The following SETBP1 variants were observed in gnomAD, a reference collection of about 807,000 sequenced individuals.
SETBP1 encodes the protein SET-binding protein.
Under a neutral mutation model 101.0 loss-of-function variants are expected in SETBP1, and 9 were observed. That is an observed-to-expected ratio of 0.09 (90% confidence interval 0.05 to 0.16). The LOEUF (loss-of-function observed/expected upper bound fraction) is 0.16. Among genes scored for constraint, SETBP1 ranks in the 10% least tolerant of loss-of-function variants. The pLI, the probability that SETBP1 is intolerant of heterozygous loss-of-function variation, is 1.00. For synonymous variants in SETBP1, 818 were observed against 788.5 expected, an observed-to-expected ratio of 1.04 and a Z score of -0.63; for missense variants, 1,858 against 2,033.8, an observed-to-expected ratio of 0.91 and a Z score of 1.66.
rs142069981 is a variant in SETBP1 at position 44,725,013 on chromosome 18, C to T, written c.486+23181C>T. ...CTTCCTTGCTTCCTAATTTGGGATG[C>T]ACAGCATTCATTTCTTCACTCACTC... is the stretch of plus-strand genomic sequence containing the variant. On this transcript the variant is annotated intron_variant, in intron 2 of 5. Coordinates refer to ENST00000649279, the MANE Select transcript of SETBP1 (RefSeq NM_015559.3). Among the ~76,000 whole-genome samples, 514 of 152,274 alleles carry T rather than the reference C, an allele frequency of 3.4e-3. 3 individuals carry two copies. Among genetic ancestry groups the T allele is most frequent in the African/African-American group, 0.012 (490 of 41,548 alleles).
intron 2 of SETBP1, among the ~76,000 whole-genome samples, chr18:44,703,099 C>A (rs2069146062): frequency 6.6e-6 from 1 of 152,120 alleles, no homozygotes; most frequent in Admixed American, 6.5e-5. Flanking sequence ...AGAGGACTGC[C>A]TTGGTATAGT....
chr18:44,729,118 G>C (rs2069778367), intron 2 of SETBP1, among the ~76,000 whole-genome samples: 1 of 152,250 alleles, frequency 6.6e-6, no homozygotes, highest in African/African-American at 2.4e-5. Context: ...GTAAGAGGTA[G>C]AGTTTGGATT....
intron 4 of SETBP1, among the ~76,000 whole-genome samples, chr18:44,994,298 G>T (rs2072445273): frequency 6.6e-6 from 1 of 152,074 alleles, no homozygotes; most frequent in Non-Finnish European, 1.5e-5. Context: ...GATTACTCTT[G>T]TAATCCAGGA....
At chr18:44,898,018 A>G (rs537141056) in intron 3 of SETBP1, among the ~76,000 whole-genome samples, 47 of 152,276 alleles carry the variant, frequency 3.1e-4, no homozygotes, top group African/African-American at 1.1e-3. Flanking sequence ...TGTGTATGGT[A>G]ATTGTTGTGA....
rs2073966064 is a variant in SETBP1, at chr18:45,066,394, A to T, written c.*2696A>T. 1 of 152,020 alleles carries T rather than the reference A, an allele frequency of 6.6e-6. No homozygotes were observed. The highest frequency in any genetic ancestry group is 1.9e-4 in the East Asian group (1 of 5,184). The allele number at this position is 152,020 out of a possible 1,614,324, so 9.4% of individuals were successfully genotyped here. ...GAGGTGGAAGCAAGTTCAGTCACCTACTCAGCTTCCTCTCTCCACCACCCA... is the reference window on the plus strand; with the variant it reads ...GAGGTGGAAGCAAGTTCAGTCACCTTCTCAGCTTCCTCTCTCCACCACCCA... On this transcript the variant is annotated 3_prime_UTR_variant, in exon 6 of 6. Coordinates refer to ENST00000649279, the MANE Select transcript of SETBP1 (RefSeq NM_015559.3).
At chr18:44,682,067 C>A (rs2068768650) in intron 1 of SETBP1, among the ~76,000 whole-genome samples, 1 of 152,116 alleles carries the variant, frequency 6.6e-6, no homozygotes, top group African/African-American at 2.4e-5. Context: ...TTCATTCCTT[C>A]ACTCTTCATC....
intron 3 of SETBP1, among the ~76,000 whole-genome samples, chr18:44,946,396 G>C (rs1401776169): frequency 1.3e-5 from 2 of 152,210 alleles, no homozygotes; most frequent in Non-Finnish European, 2.9e-5. Context: ...TCAACTGCTA[G>C]GGTGAAATCC....
intron 3 of SETBP1, among the ~76,000 whole-genome samples, chr18:44,889,586 A>T (rs890486492): frequency 1.3e-5 from 2 of 152,136 alleles, no homozygotes; most frequent in East Asian, 3.8e-4. Context: ...TGTGAGTTGC[A>T]CTGACTCTCC....
At chr18:44,680,291 G>C (rs2068737342), upstream of SETBP1, 1 of 150,162 alleles carries the variant, frequency 6.7e-6, no homozygotes, top group South Asian at 2.1e-4. Flanking sequence ...GATGCTCATC[G>C]CCATGGAGTT....
At chr18:44,905,159 G>A (rs564191314) in intron 3 of SETBP1, among the ~76,000 whole-genome samples, 14 of 152,152 alleles carry the variant, frequency 9.2e-5, no homozygotes, top group South Asian at 2.1e-4. Flanking sequence ...GCAGGTGTCC[G>A]GGTACCACAT....
intron 2 of SETBP1, among the ~76,000 whole-genome samples, chr18:44,759,502 T>G (rs2070587519): frequency 6.6e-6 from 1 of 152,364 alleles, no homozygotes; most frequent in Middle Eastern, 3.4e-3. Flanking sequence ...TTGAGCTGAC[T>G]CTTGTCAGTT....
rs534938318 is a variant in SETBP1 at position 44,768,706 on chromosome 18, A to G, written c.486+66874A>G. On this transcript the variant is annotated intron_variant, in intron 2 of 5. Transcript: ENST00000649279. The stretch of plus-strand genomic sequence containing the variant: ...ACCATATCAGACAATGAATTACACA[A>G]GAAACCTACAATTCCTGAATTGTTG... Among the ~76,000 whole-genome samples the G allele has an allele frequency of 1.8e-4, 27 of 152,344 alleles. No individual in the cohort carries two copies. In the South Asian group the frequency reaches 5.4e-3, roughly 30 times the overall value.
chr18:44,929,164 T>A (rs2070768974), intron 3 of SETBP1, among the ~76,000 whole-genome samples: 1 of 152,248 alleles, frequency 6.6e-6, no homozygotes, highest in Admixed American at 6.5e-5. Flanking sequence ...GCTAGCCAGT[T>A]TTCCCAGCAC....
rs569058546 is a variant in SETBP1, at chr18:44,713,338, C to CG, written c.486+11514dup. On this transcript the variant is annotated intron_variant, in intron 2 of 5. Coordinates refer to ENST00000649279, the MANE Select transcript of SETBP1 (RefSeq NM_015559.3). ...TTTGACTGCTGCTCAAAGGCCTTCA[C>CG]GGGGGGGGACGTGCCACCTTTCGCG... Among the ~76,000 whole-genome samples the CG allele has an allele frequency of 3.1e-3, 467 of 151,654 alleles. 3 individuals are homozygous for CG. The highest frequency in any genetic ancestry group is 7.2e-3 in the African/African-American group (299 of 41,348).
chr18:44,944,104 G>A (rs2071149619), intron 3 of SETBP1, among the ~76,000 whole-genome samples: 1 of 152,080 alleles, frequency 6.6e-6, no homozygotes, highest in African/African-American at 2.4e-5. Flanking sequence ...AAAGTGCTGG[G>A]ATTACACACA....
chr18:44,942,720 G>A (rs545329274), intron 3 of SETBP1, among the ~76,000 whole-genome samples: 9 of 152,124 alleles, frequency 5.9e-5, no homozygotes, highest in South Asian at 4.2e-4. Context: ...GAAAGGTTAC[G>A]TCTACTACCT....
chr18:44,688,860 T>C (rs533725555), intron 1 of SETBP1, among the ~76,000 whole-genome samples: 163 of 152,214 alleles, frequency 1.1e-3, no homozygotes, highest in Admixed American at 1.8e-3. Context: ...AGAGCTCTAT[T>C]ACGACTGGTG....
Position 45,061,863 on chromosome 18 carries a change from G to A in SETBP1, c.4172-1216G>A, listed in dbSNP as rs531047186. Among the ~76,000 whole-genome samples the A allele has an allele frequency of 5.3e-5, 8 of 152,342 alleles. No individual in the cohort carries two copies. In the South Asian group the frequency reaches 1.7e-3, roughly 32 times the overall value. ...AAATGCAACACACTTCCCTCTATGC[G>A]TAGGTCTTCCACATGGGCTCCTTTC... On this transcript the variant is annotated intron_variant, in intron 5 of 5. Transcript: ENST00000649279.
intron 2 of SETBP1, among the ~76,000 whole-genome samples, chr18:44,814,979 C>T (rs1220049039): frequency 6.6e-6 from 1 of 151,350 alleles, no homozygotes; most frequent in African/African-American, 2.4e-5. Flanking sequence ...TATGTAGCCT[C>T]CCTCTAATAT....
Sources: allele counts gnomAD v4.1 joint callset (sites outside exome capture counted in the v4.1 genomes callset), GRCh38; gene constraint gnomAD v4.1.1; transcripts MANE v1.5; gene names NCBI Gene and HGNC (gene_info 2026-07-23, HGNC 2026-07-21).